Variants in TNR observed in about 807,000 individuals in gnomAD.
TNR encodes the protein tenascin R, also known as tenascin-R.
In TNR, 45 loss-of-function variants were observed where a neutral mutation model predicts 150.4. The observed-to-expected ratio is 0.30, with a 90% CI of 0.24 to 0.38. The LOEUF (loss-of-function observed/expected upper bound fraction) is 0.38, where lower values mean the gene tolerates loss of function less well. Ranked by LOEUF, TNR falls within the 10% of genes least tolerant of loss-of-function variation. The pLI is 1.00. For synonymous variants in TNR, 687 were observed against 678.4 expected, an observed-to-expected ratio of 1.01 and a Z score of -0.20; for missense variants, 1,544 against 1,759.1, an observed-to-expected ratio of 0.88 and a Z score of 2.19.
chr1:175,439,350 C>T (rs1462954068), intron 2 of TNR, among the ~76,000 whole-genome samples: 1 of 151,938 alleles, frequency 6.6e-6, no homozygotes, highest in Non-Finnish European at 1.5e-5. Flanking sequence ...GGATCCCTTC[C>T]TTACACCTTA....
Position 175,502,525 on chromosome 1 carries a change from G to C in TNR, c.-64+25744C>G, listed in dbSNP as rs187148746. On this transcript the variant is annotated intron_variant, in intron 2 of 22. Transcript: ENST00000367674. ...TAGTTCCAGAGCTTCCTGTAGGGTT[G>C]ACTGAGGCCTCAGTTAAAGCCACAT... Among the ~76,000 whole-genome samples, 11 of 152,222 alleles carry C rather than the reference G, an allele frequency of 7.2e-5. No homozygotes were observed. In the South Asian group the frequency reaches 2.3e-3, roughly 32 times the overall value.
At chr1:175,368,211 T>TCTG (rs1651928091) in intron 9 of TNR, among the ~76,000 whole-genome samples, 1 of 152,222 alleles carries the variant, frequency 6.6e-6, no homozygotes, top group Non-Finnish European at 1.5e-5. Context: ...TACAGTTAGT[T>TCTG]CAGGAGGTCT....
intron 2 of TNR, among the ~76,000 whole-genome samples, chr1:175,440,096 T>A (rs181645467): frequency 8.7e-4 from 133 of 152,272 alleles, no homozygotes; most frequent in Admixed American, 2.3e-3. Context: ...TGCAGCACTA[T>A]TCACAATAGC....
chr1:175,517,335 G>T (rs936221304), intron 2 of TNR, among the ~76,000 whole-genome samples: 13 of 152,198 alleles, frequency 8.5e-5, no homozygotes, highest in African/African-American at 2.9e-4. Context: ...TAAGTCAATT[G>T]TGTGACTTCA....
intron 1 of TNR, among the ~76,000 whole-genome samples, chr1:175,560,256 C>G (rs551999245): frequency 9.8e-5 from 15 of 152,350 alleles, no homozygotes; most frequent in African/African-American, 3.1e-4. Context: ...AGTCCTAACT[C>G]TGCTATCCCA....
chr1:175,330,256 T>A, intron 20 of TNR, 21 bp from the exon 21 acceptor site: 1 of 1,508,914 alleles, frequency 6.6e-7, no homozygotes, highest in Non-Finnish European at 9.0e-7. Flanking sequence ...GAGCAGAAAA[T>A]GCACTGAGAC....
At chr1:175,665,964 A>C (rs1462299874) in intron 1 of TNR, among the ~76,000 whole-genome samples, 1 of 152,194 alleles carries the variant, frequency 6.6e-6, no homozygotes, top group Non-Finnish European at 1.5e-5. Flanking sequence ...AAACTTGAGT[A>C]ATGACAAAGA....
intron 1 of TNR, among the ~76,000 whole-genome samples, chr1:175,710,061 T>C (rs1268317045): frequency 2.6e-5 from 4 of 152,034 alleles, no homozygotes; most frequent in Non-Finnish European, 5.9e-5. Context: ...TGATTCGACT[T>C]GCATTATTCG....
chr1:175,368,070 C>T (rs973902598), intron 9 of TNR, among the ~76,000 whole-genome samples: 7 of 152,222 alleles, frequency 4.6e-5, no homozygotes, highest in Non-Finnish European at 2.9e-5. Context: ...CTGGAATTCT[C>T]TAGGTTCTCT....
chr1:175,513,460 C>T (rs1286895818), intron 2 of TNR, among the ~76,000 whole-genome samples: 2 of 152,154 alleles, frequency 1.3e-5, no homozygotes, highest in African/African-American at 4.8e-5. Flanking sequence ...CTCCTCCTTC[C>T]TAGAAATCCC....
chr1:175,417,636 G>A (rs1321300038), intron 2 of TNR, among the ~76,000 whole-genome samples: 1 of 151,994 alleles, frequency 6.6e-6, no homozygotes, highest in African/African-American at 2.4e-5. Flanking sequence ...GGAACTGATT[G>A]CTTGCTTTTT....
chr1:175,558,268 AT>A (rs1424302772), intron 1 of TNR, among the ~76,000 whole-genome samples: 7 of 134,348 alleles, frequency 5.2e-5, no homozygotes, highest in African/African-American at 1.7e-4. Context: ...AACTTAAAGT[AT>A]AATAATAAAA....
chr1:175,525,013 A>T (rs1172836981), intron 2 of TNR, among the ~76,000 whole-genome samples: 3 of 152,138 alleles, frequency 2.0e-5, no homozygotes, highest in African/African-American at 7.2e-5. Context: ...CTCATCTTGA[A>T]TTGCAGTTCC....
At chr1:175,330,480 C>A (rs918846238) in intron 20 of TNR, 4 of 353,264 alleles carry the variant, frequency 1.1e-5, no homozygotes, top group African/African-American at 8.3e-5. Context: ...GGTTCTAATA[C>A]CTCCTCTTGA....
chr1:175,530,520 C>T (rs189861314), intron 1 of TNR, among the ~76,000 whole-genome samples: 151 of 152,310 alleles, frequency 9.9e-4, no homozygotes, highest in Non-Finnish European at 9.1e-4. Context: ...AATATACACC[C>T]TCCCTTTTGC....
intron 1 of TNR, among the ~76,000 whole-genome samples, chr1:175,650,389 C>CA (rs1558054393): frequency 1.3e-5 from 2 of 151,550 alleles, no homozygotes; most frequent in African/African-American, 4.9e-5. Context: ...TCAAAGCAAA[C>CA]AAAAAAACAA....
chr1:175,729,010 G>C (rs1265147588), intron 1 of TNR, among the ~76,000 whole-genome samples: 1 of 152,154 alleles, frequency 6.6e-6, no homozygotes, highest in East Asian at 1.9e-4. Context: ...CAGAGGGAGA[G>C]GCATTCAAAA....
intron 1 of TNR, among the ~76,000 whole-genome samples, chr1:175,546,486 C>T (rs1405802799): frequency 2.0e-5 from 3 of 152,188 alleles, no homozygotes; most frequent in Non-Finnish European, 1.5e-5. Flanking sequence ...CAGGACACGG[C>T]TAATGGGATG....
intron 22 of TNR, among the ~76,000 whole-genome samples, chr1:175,323,996 G>C (rs981409130): frequency 1.3e-5 from 2 of 152,162 alleles, no homozygotes; most frequent in Non-Finnish European, 2.9e-5. Flanking sequence ...TGTGGTCTCT[G>C]ATAGGGAAAG....
Sources: gnomAD v4.1 joint callset for allele counts (sites outside exome capture counted in the v4.1 genomes callset) on GRCh38, gnomAD v4.1.1 for gene constraint, MANE v1.5 for transcripts, NCBI Gene and HGNC (gene_info 2026-07-23, HGNC 2026-07-21) for gene names.